PREP: variants seen among roughly 807,000 people sequenced by gnomAD.
PREP encodes prolyl endopeptidase.
PREP carries 29 observed loss-of-function variants against 87.6 expected under a neutral mutation model. The ratio of observed to expected loss-of-function variants is 0.33; its 90% confidence interval spans 0.25 to 0.45. PREP has a LOEUF of 0.45. PREP is among the 20% of genes least tolerant of loss of function. The pLI is 1.00. For missense variants in PREP, 695 were observed against 886.5 expected (o/e 0.78, Z 2.74); for synonymous variants, 337 against 328.6 (o/e 1.03, Z -0.28).
chr6:105,391,411 G>A (rs1212625046), intron 2 of PREP, among the ~76,000 whole-genome samples: 2 of 151,950 alleles, frequency 1.3e-5, no homozygotes, highest in African/African-American at 2.4e-5. Flanking sequence ...ATAAAGAGAC[G>A]GGGTTTCATT....
chr6:105,322,754 C>T (rs1771045776), intron 10 of PREP: 15 of 1,046,300 alleles, frequency 1.4e-5, no homozygotes, highest in Non-Finnish European at 1.5e-5. Flanking sequence ...TAGCTCTACA[C>T]CAAATCCAGC....
At chr6:105,306,655 T>C (rs905113480) in intron 10 of PREP, among the ~76,000 whole-genome samples, 2 of 152,170 alleles carry the variant, frequency 1.3e-5, no homozygotes, top group Admixed American at 1.3e-4. Flanking sequence ...CTCCTCCTCC[T>C]GTGTCCCTAA....
At position 105,288,880 on chromosome 6, in the gene PREP, GC is replaced by G; in HGVS notation, c.1331del (p.Ser444ThrfsTer17). 1 of 1,612,598 alleles carries G rather than the reference GC, an allele frequency of 6.2e-7. No individual in the cohort carries two copies. The highest frequency in any genetic ancestry group is 8.5e-7 in the Non-Finnish European group (1 of 1,178,700). On this transcript the variant is annotated frameshift_variant, in exon 11 of 15. Coordinates refer to ENST00000652536, the MANE Select transcript of PREP (RefSeq NM_002726.5). LOFTEE classifies it high-confidence loss of function. ...ACATTGGAATCTTCGTACCATCCTT[GC>G]TAGGGTAGAAAATCTAGAATATAAG... The part of the protein sequence containing the change: ...DYQTVQIFYP[S>X]KDGTKIPMFI...
chr6:105,308,452 T>C (rs1320223434), intron 10 of PREP, among the ~76,000 whole-genome samples: 3 of 152,186 alleles, frequency 2.0e-5, no homozygotes, highest in African/African-American at 4.8e-5. Context: ...CAAATTTACT[T>C]TGATGCTCTA....
At chr6:105,392,322 GC>G (rs1179394510) in intron 2 of PREP, among the ~76,000 whole-genome samples, 2 of 151,960 alleles carry the variant, frequency 1.3e-5, no homozygotes, top group Non-Finnish European at 2.9e-5. Context: ...ACAGGCGTGA[GC>G]CCCCACGCCT....
chr6:105,319,600 T>C (rs992572258), intron 10 of PREP, among the ~76,000 whole-genome samples: 1 of 151,864 alleles, frequency 6.6e-6, no homozygotes, highest in Admixed American at 6.6e-5. Context: ...GTACTGAGAG[T>C]AGGATTATTA....
chr6:105,279,779 G>A (rs561871865), intron 14 of PREP, among the ~76,000 whole-genome samples: 1 of 152,228 alleles, frequency 6.6e-6, no homozygotes, highest in Admixed American at 6.5e-5. Context: ...GGAACATCAT[G>A]GAGAAAAATA....
rs117579652 is a variant in PREP at position 105,391,404 on chromosome 6, A to C, written c.120+6449T>G. 5.4e-3 allele frequency among the ~76,000 whole-genome samples: 826 copies of C among 152,074 alleles called. 28 individuals carry two copies. The East Asian group carries it at 0.084, about 16-fold the overall frequency. On this transcript the variant is annotated intron_variant, in intron 2 of 14. Coordinates refer to ENST00000652536, the MANE Select transcript of PREP (RefSeq NM_002726.5). ...CAAAAATAAACAAATAAATAAAATA[A>C]AGAGACGGGGTTTCATTATGTCATC... is the stretch of plus-strand genomic sequence containing the variant.
intron 7 of PREP, among the ~76,000 whole-genome samples, chr6:105,343,691 C>T (rs1442346048): frequency 7.3e-6 from 1 of 137,740 alleles, no homozygotes; most frequent in South Asian, 2.3e-4. Context: ...AAAATCAACC[C>T]CATCAAAAAG....
Position 105,277,590 on chromosome 6 carries a change from T to TAACA in PREP, c.*550_*553dup, listed in dbSNP as rs147591521. On this transcript the variant is annotated 3_prime_UTR_variant, in exon 15 of 15. Coordinates refer to ENST00000652536, the MANE Select transcript of PREP (RefSeq NM_002726.5). ...TGGATGAACAACTTATTTTCAAAGC[T>TAACA]AACAAACATTCTATGACTTAACTGC... is the stretch of plus-strand genomic sequence containing the variant. The TAACA allele has an allele frequency of 0.057, 8,770 of 153,894 alleles. 309 individuals are homozygous for TAACA. Among genetic ancestry groups the TAACA allele is most frequent in the African/African-American group, 0.1 (4,173 of 41,520 alleles). The allele number at this position is 153,894 out of a possible 1,614,324, so 9.5% of individuals were successfully genotyped here. A position where few individuals can be genotyped will look rare whatever the true frequency, so the allele number is the denominator to read the frequency against.
chr6:105,372,901 G>C (rs542646014), intron 5 of PREP, among the ~76,000 whole-genome samples: 264 of 152,292 alleles, frequency 1.7e-3, no homozygotes, highest in Non-Finnish European at 3.1e-3. Context: ...CCTCTGGCTT[G>C]CTTTAGCCAA....
intron 1 of PREP, 45 bp from the exon 2 acceptor site, chr6:105,397,972 C>T: frequency 7.3e-7 from 1 of 1,374,124 alleles, no homozygotes; most frequent in Non-Finnish European, 1.0e-6. Flanking sequence ...TCTCTAACCC[C>T]AATTAAAACT....
intron 5 of PREP, among the ~76,000 whole-genome samples, chr6:105,371,912 C>T (rs577381897): frequency 3.7e-4 from 57 of 152,126 alleles, no homozygotes; most frequent in Non-Finnish European, 2.8e-4. Context: ...AATGTAATAA[C>T]GTTCTCTAAC....
intron 7 of PREP, among the ~76,000 whole-genome samples, chr6:105,335,173 ATC>A (rs1562204564): frequency 1.3e-5 from 2 of 152,232 alleles, no homozygotes; most frequent in East Asian, 1.9e-4. Flanking sequence ...TTGGAAAAAC[ATC>A]TGTTTTACCA....
intron 1 of PREP, among the ~76,000 whole-genome samples, chr6:105,402,063 G>C (rs1773445024): frequency 6.6e-6 from 1 of 152,138 alleles, no homozygotes; most frequent in Non-Finnish European, 1.5e-5. Flanking sequence ...GATCTCAACA[G>C]TTACCTTGAG....
At chr6:105,329,983 G>C (rs1771281735) in intron 8 of PREP, among the ~76,000 whole-genome samples, 1 of 152,156 alleles carries the variant, frequency 6.6e-6, no homozygotes, top group Non-Finnish European at 1.5e-5. Flanking sequence ...GGCCACTCCT[G>C]GCATGAAGGC....
At chr6:105,338,945 C>A (rs1771554833) in intron 7 of PREP, among the ~76,000 whole-genome samples, 1 of 152,218 alleles carries the variant, frequency 6.6e-6, no homozygotes, top group Non-Finnish European at 1.5e-5. Context: ...TCTGTAGACT[C>A]CACCTCTGGG....
At chr6:105,279,165 C>T (rs1271469119) in intron 14 of PREP, 1 of 152,114 alleles carries the variant, frequency 6.6e-6, no homozygotes, top group Non-Finnish European at 1.5e-5. Context: ...GATATTTTTT[C>T]TTTACATTCT....
At chr6:105,364,707 GAAGA>G (rs1438077114) in intron 6 of PREP, among the ~76,000 whole-genome samples, 1 of 152,160 alleles carries the variant, frequency 6.6e-6, no homozygotes, top group African/African-American at 2.4e-5. Flanking sequence ...AAAAGCCCTG[GAAGA>G]AATAAAGGAA....
Sources: allele counts gnomAD v4.1 joint callset (sites outside exome capture counted in the v4.1 genomes callset), GRCh38; gene constraint gnomAD v4.1.1; transcripts MANE v1.5; gene names NCBI Gene and HGNC (gene_info 2026-07-23, HGNC 2026-07-21).